PCMTD1: variants seen among roughly 807,000 people sequenced by gnomAD.
PCMTD1 encodes protein-L-isoaspartate O-methyltransferase domain-containing protein 1.
In PCMTD1, 12 loss-of-function variants were observed where a neutral mutation model predicts 37.6. That is an observed-to-expected ratio of 0.32 (90% CI 0.20 to 0.52). The LOEUF (loss-of-function observed/expected upper bound fraction) is 0.52, where lower values mean the gene tolerates loss of function less well. PCMTD1 is among the 20% of genes least tolerant of loss of function. The probability of loss-of-function intolerance (pLI) is 0.97; values close to 1 mark genes in which losing one functional copy is unlikely to be tolerated. For missense variants in PCMTD1, 235 were observed against 421.3 expected (o/e 0.56, Z 3.87); for synonymous variants, 117 against 135.8 (o/e 0.86, Z 0.96).
At chr8:51,846,874 A>G (rs1300021034) in intron 2 of PCMTD1, among the ~76,000 whole-genome samples, 1 of 152,238 alleles carries the variant, frequency 6.6e-6, no homozygotes, top group Non-Finnish European at 1.5e-5. Flanking sequence ...CCAAAATCCA[A>G]TAAGGATAAT....
chr8:51,847,334 A>C (rs962521002), intron 2 of PCMTD1, among the ~76,000 whole-genome samples: 70 of 152,356 alleles, frequency 4.6e-4, no homozygotes, highest in African/African-American at 1.6e-3. Flanking sequence ...ATTTAAAATA[A>C]TTCAAATACA....
intron 1 of PCMTD1, among the ~76,000 whole-genome samples, chr8:51,897,547 ATTCAGC>A (rs2039023274): frequency 6.6e-6 from 1 of 152,264 alleles, no homozygotes; most frequent in African/African-American, 2.4e-5. Flanking sequence ...AAGTAAACTA[ATTCAGC>A]AACTTTATGT....
intron 5 of PCMTD1, among the ~76,000 whole-genome samples, chr8:51,823,347 C>T (rs1250945755): frequency 6.6e-6 from 1 of 152,098 alleles, no homozygotes; most frequent in Non-Finnish European, 1.5e-5. Context: ...GCCTGTATTC[C>T]CAGCTAGTCA....
chr8:51,894,438 G>A (rs1048945080), intron 1 of PCMTD1, among the ~76,000 whole-genome samples: 1 of 152,140 alleles, frequency 6.6e-6, no homozygotes, highest in Non-Finnish European at 1.5e-5. Context: ...CACAGACTTG[G>A]AAGAAGACAT....
chr8:51,823,292 T>C (rs932345451), intron 5 of PCMTD1, among the ~76,000 whole-genome samples: 17 of 152,150 alleles, frequency 1.1e-4, no homozygotes, highest in Non-Finnish European at 2.1e-4. Context: ...GGTGAAATCC[T>C]GTCTCTACAA....
rs550420868 is a variant in PCMTD1 at position 51,865,326 on chromosome 8, C to T, written c.-95-4080G>A. Among the ~76,000 whole-genome samples, 28 of 152,156 alleles carry T rather than the reference C, an allele frequency of 1.8e-4. 1 individual carries two copies. The highest frequency in any genetic ancestry group is 1.6e-3 in the Admixed American group (24 of 15,280). ...AGAGAATACCTACAAACTCCACTTA[C>T]GAGGCCAGTATTGCTCTGATACTGA... On this transcript the variant is annotated intron_variant, in intron 1 of 5. Coordinates refer to ENST00000522514, the MANE Select transcript of PCMTD1 (RefSeq NM_052937.4).
chr8:51,875,577 A>G (rs976648870), intron 1 of PCMTD1, among the ~76,000 whole-genome samples: 6 of 152,228 alleles, frequency 3.9e-5, no homozygotes, highest in East Asian at 1.9e-4. Context: ...TATGTTCATT[A>G]TAAGTCATAG....
Position 51,817,726 on chromosome 8 carries a change from A to C in PCMTD1, c.*2625T>G, listed in dbSNP as rs533618097. 5.2e-6 allele frequency: 2 copies of C among 384,694 alleles called. No homozygotes were observed. Among genetic ancestry groups the C allele is most frequent in the South Asian group, 4.0e-5 (2 of 49,726 alleles). 23.8% of individuals were successfully genotyped at this position (384,694 alleles called of 1,614,324 possible). A position where few individuals can be genotyped will look rare whatever the true frequency, so the allele number is the denominator to read the frequency against. ...TTTTACTACTATGTATGCTATTTTAATAACATTTTTCTTTATTAATACTAG... is the reference window on the plus strand; with the variant it reads ...TTTTACTACTATGTATGCTATTTTACTAACATTTTTCTTTATTAATACTAG... On this transcript the variant is annotated 3_prime_UTR_variant, in exon 6 of 6. Transcript: ENST00000522514.
At chr8:51,887,318 G>A (rs1171467196) in intron 1 of PCMTD1, among the ~76,000 whole-genome samples, 1 of 152,092 alleles carries the variant, frequency 6.6e-6, no homozygotes, top group Non-Finnish European at 1.5e-5. Context: ...GTTCCATAGA[G>A]AATCAGATAC....
chr8:51,868,499 G>A (rs1457024180), intron 1 of PCMTD1, among the ~76,000 whole-genome samples: 5 of 152,042 alleles, frequency 3.3e-5, no homozygotes, highest in Admixed American at 6.6e-5. Flanking sequence ...CAAGGTTTGC[G>A]GTATCTTTAC....
chr8:51,827,990 T>C (rs2037945561), intron 5 of PCMTD1, among the ~76,000 whole-genome samples: 1 of 152,216 alleles, frequency 6.6e-6, no homozygotes, highest in South Asian at 2.1e-4. Context: ...ATATTATCTG[T>C]CATTAATGAA....
At chr8:51,878,250 GT>G (rs375362623) in intron 1 of PCMTD1, among the ~76,000 whole-genome samples, 50 of 139,162 alleles carry the variant, frequency 3.6e-4, no homozygotes, top group East Asian at 1.0e-3. Flanking sequence ...TTTTTTTTTG[GT>G]TTTTTTTTTT....
intron 1 of PCMTD1, among the ~76,000 whole-genome samples, chr8:51,878,894 G>A (rs983283463): frequency 6.6e-6 from 1 of 152,202 alleles, no homozygotes; most frequent in Non-Finnish European, 1.5e-5. Flanking sequence ...GGAGGTCAAG[G>A]TGTGAGGACT....
At chr8:51,845,835 C>T (rs2129280958) in intron 2 of PCMTD1, 72 bp from the exon 3 acceptor site, 1 of 956,792 alleles carries the variant, frequency 1.0e-6, no homozygotes, top group East Asian at 2.6e-5. Context: ...TTAAGTTCTG[C>T]TCATTTATAC....
intron 1 of PCMTD1, 64 bp from the exon 2 acceptor site, chr8:51,861,310 A>G (rs2038465997): frequency 8.6e-7 from 1 of 1,163,798 alleles, no homozygotes; most frequent in African/African-American, 1.6e-5. Flanking sequence ...TAACTTGTTT[A>G]TTAAATGTAT....
At chr8:51,868,695 A>T (rs919075879) in intron 1 of PCMTD1, among the ~76,000 whole-genome samples, 3 of 152,158 alleles carry the variant, frequency 2.0e-5, no homozygotes, top group Non-Finnish European at 4.4e-5. Context: ...TTATTACATA[A>T]ATAATAACTT....
intron 2 of PCMTD1, among the ~76,000 whole-genome samples, chr8:51,856,642 A>G (rs540539427): frequency 2.4e-4 from 37 of 152,364 alleles, no homozygotes; most frequent in Non-Finnish European, 3.2e-4. Flanking sequence ...AACGTAGTGT[A>G]TATCTATACA....
At chr8:51,867,598 T>C (rs1377576080) in intron 1 of PCMTD1, among the ~76,000 whole-genome samples, 1 of 151,796 alleles carries the variant, frequency 6.6e-6, no homozygotes. Flanking sequence ...TATATATATA[T>C]AAATGGATTA....
rs557377084 is a variant in PCMTD1 at position 51,837,739 on chromosome 8, C to T, written c.411-4050G>A. Among the ~76,000 whole-genome samples, 4 of 152,184 alleles carry T rather than the reference C, an allele frequency of 2.6e-5. No homozygotes were observed. The South Asian group carries it at 6.2e-4, about 24-fold the overall frequency. Reference sequence around the variant, plus strand: ...TGGGCACACTGTTAAGAATCTTAGACGTTTTGTATTCTGATACTAATATCA... The same window carrying T: ...TGGGCACACTGTTAAGAATCTTAGATGTTTTGTATTCTGATACTAATATCA... On this transcript the variant is annotated intron_variant, in intron 3 of 5. Coordinates refer to ENST00000522514, the MANE Select transcript of PCMTD1 (RefSeq NM_052937.4).
Sources: allele counts gnomAD v4.1 joint callset (sites outside exome capture counted in the v4.1 genomes callset), GRCh38; gene constraint gnomAD v4.1.1; transcripts MANE v1.5; gene names NCBI Gene and HGNC (gene_info 2026-07-23, HGNC 2026-07-21).